SLC39A11: variants seen among roughly 807,000 people sequenced by gnomAD.
SLC39A11 encodes solute carrier family 39 member 11.
In SLC39A11, 33 loss-of-function variants were observed where a neutral mutation model predicts 36.1. The ratio of observed to expected loss-of-function variants is 0.91; its 90% CI spans 0.69 to 1.22. The LOEUF (loss-of-function observed/expected upper bound fraction) is 1.22. Among genes scored for constraint, SLC39A11 ranks in the 50% most tolerant of loss-of-function variants. The probability of loss-of-function intolerance (pLI) is 0.00; values close to 1 mark genes in which losing one functional copy is unlikely to be tolerated. For synonymous variants in SLC39A11, 166 were observed against 170.3 expected (o/e 0.97, Z 0.20); for missense variants, 432 against 430.3 (o/e 1.00, Z -0.03).
rs1356925296 is a variant in SLC39A11, at chr17:73,081,659, AC to A, written c.147+3148del. On this transcript the variant is annotated intron_variant, in intron 3 of 9. Coordinates refer to ENST00000255559, the MANE Select transcript of SLC39A11 (RefSeq NM_139177.4). ...CACACACACACACACACACACACAC[AC>A]ACACACACACATATATATACACATA... Among the ~76,000 whole-genome samples, 428 of 129,660 alleles carry A rather than the reference AC, an allele frequency of 3.3e-3. 12 individuals carry two copies. Among genetic ancestry groups the A allele is most frequent in the African/African-American group, 0.011 (395 of 35,058 alleles). 85.1% of individuals were successfully genotyped at this position (129,660 alleles called of 152,430 possible). A position where few individuals can be genotyped will look rare whatever the true frequency, so the allele number is the denominator to read the frequency against.
intron 5 of SLC39A11, among the ~76,000 whole-genome samples, chr17:72,891,783 T>C (rs748939720): frequency 7.9e-5 from 12 of 151,536 alleles, no homozygotes; most frequent in Non-Finnish European, 1.8e-4. Context: ...TTTATTACTA[T>C]TTATTACTAT....
At chr17:72,763,399 C>G (rs2075658073) in intron 6 of SLC39A11, among the ~76,000 whole-genome samples, 2 of 152,210 alleles carry the variant, frequency 1.3e-5, no homozygotes, top group Admixed American at 1.3e-4. Context: ...CTTCAAGACC[C>G]AGAACCGACA....
intron 3 of SLC39A11, 85 bp from the exon 4 acceptor site, chr17:73,031,799 G>A (rs2058747455): frequency 2.2e-6 from 3 of 1,362,084 alleles, no homozygotes; most frequent in Non-Finnish European, 2.0e-6. Context: ...CTGTGGCCCA[G>A]ATTGACCCCT....
intron 7 of SLC39A11, among the ~76,000 whole-genome samples, chr17:72,689,930 A>G (rs1248659496): frequency 1.3e-5 from 2 of 152,206 alleles, no homozygotes; most frequent in Non-Finnish European, 2.9e-5. Context: ...CCAAGTGGCT[A>G]ATTTTACATT....
chr17:72,834,631 A>G (rs574880056), intron 6 of SLC39A11, among the ~76,000 whole-genome samples: 1 of 92,982 alleles, frequency 1.1e-5, no homozygotes. Flanking sequence ...CCATAAACAA[A>G]ACAATAAAAT....
chr17:72,916,051 C>T (rs1281295470), intron 5 of SLC39A11, among the ~76,000 whole-genome samples: 2 of 152,154 alleles, frequency 1.3e-5, no homozygotes, highest in African/African-American at 2.4e-5. Context: ...TGTGGAGCTG[C>T]TCCATCTTTT....
At chr17:72,841,099 C>T (rs894516556) in intron 6 of SLC39A11, among the ~76,000 whole-genome samples, 3 of 152,224 alleles carry the variant, frequency 2.0e-5, no homozygotes, top group Middle Eastern at 3.4e-3. Context: ...TCTCAAACAG[C>T]CCCTCCTCTC....
intron 7 of SLC39A11, among the ~76,000 whole-genome samples, chr17:72,713,620 T>C (rs1387022302): frequency 1.3e-5 from 2 of 152,172 alleles, no homozygotes; most frequent in African/African-American, 4.8e-5. Context: ...CAACTAGCTG[T>C]ACACATAAAA....
At chr17:72,681,171 C>T (rs2071494380) in intron 7 of SLC39A11, among the ~76,000 whole-genome samples, 1 of 152,178 alleles carries the variant, frequency 6.6e-6, no homozygotes. Flanking sequence ...AGGTGACCCG[C>T]CCACCTCGGC....
At chr17:72,727,167 G>A (rs2073962563) in intron 7 of SLC39A11, among the ~76,000 whole-genome samples, 1 of 152,204 alleles carries the variant, frequency 6.6e-6, no homozygotes, top group South Asian at 2.1e-4. Flanking sequence ...TCTCCCTGCT[G>A]GTTTGAATGA....
intron 3 of SLC39A11, among the ~76,000 whole-genome samples, chr17:73,050,462 C>CTCTTTTTTTTTTT (rs2059457194): frequency 8.0e-6 from 1 of 124,322 alleles, no homozygotes; most frequent in African/African-American, 3.1e-5. Flanking sequence ...TGTGAACTGA[C>CTCTTTTTTTTTTT]TTTTTTTTTT....
intron 4 of SLC39A11, among the ~76,000 whole-genome samples, chr17:72,948,197 C>T (rs1000268230): frequency 2.6e-5 from 4 of 151,404 alleles, no homozygotes; most frequent in Non-Finnish European, 4.4e-5. Context: ...GCGTCATCGC[C>T]GCACACACAC....
intron 6 of SLC39A11, among the ~76,000 whole-genome samples, chr17:72,800,084 A>G (rs986500815): frequency 2.6e-5 from 4 of 152,038 alleles, no homozygotes; most frequent in Non-Finnish European, 4.4e-5. Flanking sequence ...TAGAAAGAAC[A>G]TATGTTGAAA....
At chr17:73,073,655 G>T (rs1030679573) in intron 3 of SLC39A11, 2 of 152,232 alleles carry the variant, frequency 1.3e-5, no homozygotes, top group African/African-American at 4.8e-5. Flanking sequence ...AAATTTAAGA[G>T]AGGAGCTTCA....
chr17:72,959,305 G>A (rs1285027773), intron 4 of SLC39A11, among the ~76,000 whole-genome samples: 3 of 122,376 alleles, frequency 2.5e-5, no homozygotes, highest in Non-Finnish European at 4.8e-5. Context: ...AGAAACTGGT[G>A]TATGTATGTG....
chr17:72,992,227 TTGTA>T (rs1274184889), intron 4 of SLC39A11, among the ~76,000 whole-genome samples: 14 of 152,050 alleles, frequency 9.2e-5, no homozygotes, highest in African/African-American at 3.1e-4. Context: ...TGGCAGGCAC[TTGTA>T]ATCTCAGCTT....
intron 4 of SLC39A11, among the ~76,000 whole-genome samples, chr17:73,008,188 TCTTA>T (rs1196568271): frequency 3.1e-5 from 4 of 127,674 alleles, no homozygotes; most frequent in African/African-American, 1.2e-4. Flanking sequence ...TGAGATGGGG[TCTTA>T]CTAAATGGTC....
chr17:72,767,010 C>G (rs2144638399), intron 6 of SLC39A11, among the ~76,000 whole-genome samples: 1 of 152,308 alleles, frequency 6.6e-6, no homozygotes, highest in South Asian at 2.1e-4. Context: ...TCTCCCCCAA[C>G]TTCTCCCCGA....
chr17:73,057,256 C>A (rs918213478), intron 3 of SLC39A11, among the ~76,000 whole-genome samples: 5 of 152,196 alleles, frequency 3.3e-5, no homozygotes, highest in African/African-American at 1.2e-4. Context: ...GGGGCCGCTG[C>A]ACCTGGCCAG....
Sources: gnomAD v4.1 joint callset for allele counts (sites outside exome capture counted in the v4.1 genomes callset) on GRCh38, gnomAD v4.1.1 for gene constraint, MANE v1.5 for transcripts, NCBI Gene and HGNC (gene_info 2026-07-23, HGNC 2026-07-21) for gene names.